CSTF2: variants seen among roughly 807,000 people sequenced by gnomAD.
CSTF2 encodes the protein cleavage stimulation factor subunit 2, also known as CF-1 64 kDa subunit.
CSTF2 carries 8 observed loss-of-function variants against 45.4 expected under a neutral mutation model. The ratio of observed to expected loss-of-function variants is 0.18; its 90% CI spans 0.10 to 0.32. CSTF2 has a LOEUF of 0.32. Among genes scored for constraint, CSTF2 ranks in the 10% least tolerant of loss-of-function variants. The probability of loss-of-function intolerance (pLI) is 1.00; values close to 1 mark genes in which losing one functional copy is unlikely to be tolerated. For synonymous variants in CSTF2, 155 were observed against 158.9 expected (o/e 0.98, Z 0.18); for missense variants, 253 against 477.1 (o/e 0.53, Z 4.38).
At chrX:100,837,295 C>A in intron 11 of CSTF2, 44 bp from the exon 12 acceptor site, 1 of 961,546 alleles carries the variant, frequency 1.0e-6, no homozygotes, top group Non-Finnish European at 1.5e-6. Flanking sequence ...GTTACCTATA[C>A]ATTAAAAATG....
chrX:100,831,744 C>A, intron 9 of CSTF2, 88 bp downstream of exon 9: 1 of 1,009,226 alleles, frequency 9.9e-7, no homozygotes, highest in Non-Finnish European at 1.4e-6. Context: ...CCAGTTGTAC[C>A]TGTTTGCCTA....
Position 100,823,969 on chromosome X carries a change from G to A in CSTF2, c.528G>A (p.Gln176=). 2 of 1,212,082 alleles carry A rather than the reference G, an allele frequency of 1.7e-6. No homozygotes were observed. Among genetic ancestry groups the A allele is most frequent in the Middle Eastern group, 2.3e-4 (1 of 4,355 alleles). The change falls in exon 5 of 14, where the codon CAG becomes CAA. Residue 176 remains glutamine, a synonymous_variant. Coordinates refer to ENST00000372972, the MANE Select transcript of CSTF2 (RefSeq NM_001325.3). ...TGGCTTATGCTTTGCTGCAAGCACA[G>A]GTAGTGATGAGAATTGTGGATCCGG... is the stretch of plus-strand genomic sequence containing the variant. ...PQLAYALLQA[Q]VVMRIVDPEI...
intron 13 of CSTF2, 43 bp downstream of exon 13, chrX:100,838,407 T>C: frequency 8.7e-7 from 1 of 1,146,982 alleles, no homozygotes; most frequent in Non-Finnish European, 1.2e-6. Context: ...TAGCTCCTTG[T>C]CTATTCTGGG....
Position 100,841,435 on chromosome X carries a change from T to C in CSTF2, c.*725T>C, listed in dbSNP as rs1203288946. On this transcript the variant is annotated 3_prime_UTR_variant, in exon 14 of 14. Coordinates refer to ENST00000372972, the MANE Select transcript of CSTF2 (RefSeq NM_001325.3). ...ATTTACTTGTGTGTTCTTAAACTTA[T>C]CAGTCTAGGCAGTCAACTTTGAAAG... Among the ~76,000 whole-genome samples the C allele has an allele frequency of 3.6e-5, 4 of 112,526 alleles. No homozygotes were observed. The East Asian group carries it at 8.3e-4, about 23-fold the overall frequency.
At chrX:100,839,350 T>A (rs925069947) in intron 13 of CSTF2, among the ~76,000 whole-genome samples, 2 of 110,672 alleles carry the variant, frequency 1.8e-5, no homozygotes, top group African/African-American at 6.6e-5. Flanking sequence ...TTAAAAAAAA[T>A]TTCCCCAGCA....
rs973945663 is a variant in CSTF2 at position 100,841,023 on chromosome X, A to G, written c.*313A>G. On this transcript the variant is annotated 3_prime_UTR_variant, in exon 14 of 14. Coordinates refer to ENST00000372972, the MANE Select transcript of CSTF2 (RefSeq NM_001325.3). ...TTTTCTACCCTTACTGCAGTATTGT[A>G]CTTTAACATATTGCCATAGTTTTGT... is the stretch of plus-strand genomic sequence containing the variant. The G allele has an allele frequency of 4.6e-4, 52 of 112,715 alleles. No homozygotes were observed. The highest frequency in any genetic ancestry group is 1.6e-3 in the African/African-American group (51 of 31,097). The allele number at this position is 112,715 out of a possible 1,213,427, so 9.3% of individuals were successfully genotyped here.
At chrX:100,829,319 G>A (rs763045740) in intron 8 of CSTF2, among the ~76,000 whole-genome samples, 7 of 110,625 alleles carry the variant, frequency 6.3e-5, no homozygotes, top group Admixed American at 5.8e-4. Flanking sequence ...GCAAAACCCC[G>A]TCTCTATAAA....
At chrX:100,829,911 C>T (rs142549857) in intron 8 of CSTF2, among the ~76,000 whole-genome samples, 4,123 of 112,030 alleles carry the variant, frequency 0.037, 208 homozygotes, top group African/African-American at 0.13. Context: ...CAGAAATTGG[C>T]AAAGGGAAGT....
chrX:100,839,314 C>T (rs779908637), intron 13 of CSTF2, among the ~76,000 whole-genome samples: 1 of 107,984 alleles, frequency 9.3e-6, no homozygotes, highest in South Asian at 4.1e-4. Flanking sequence ...AACTTGATTA[C>T]ACATACATGT....
rs58313206 is a variant in CSTF2 at position 100,822,095 on chromosome X, G to GA, written c.138-141dup. Among the ~76,000 whole-genome samples, 883 of 91,093 alleles carry GA rather than the reference G, an allele frequency of 9.7e-3. 4 individuals carry two copies. The highest frequency in any genetic ancestry group is 0.027 in the African/African-American group (683 of 25,487). 79.1% of individuals were successfully genotyped at this position (91,093 alleles called of 115,157 possible). A position where few individuals can be genotyped will look rare whatever the true frequency, so the allele number is the denominator to read the frequency against. ...GCAACAGAGCAAGACTCCATCTCAG[G>GA]AAAAAAAAAAAAAAAGTTTTAAAAA... On this transcript the variant is annotated intron_variant, in intron 2 of 13. Transcript: ENST00000372972.
intron 3 of CSTF2, among the ~76,000 whole-genome samples, chrX:100,822,985 G>A (rs146402183): frequency 0.011 from 1,216 of 111,519 alleles, 12 homozygotes; most frequent in Non-Finnish European, 0.015. Context: ...TGAAGTTAGC[G>A]TATTTTTCTC....
At chrX:100,837,223 T>C (rs903920969) in intron 11 of CSTF2, 116 bp from the exon 12 acceptor site, 12 of 418,503 alleles carry the variant, frequency 2.9e-5, no homozygotes, top group Non-Finnish European at 4.4e-5. Context: ...GAGTCATTGA[T>C]TTGCTTTTTT....
chrX:100,832,652 T>G (rs1234916071), intron 9 of CSTF2, 82 bp from the exon 10 acceptor site: 13 of 868,154 alleles, frequency 1.5e-5, no homozygotes, highest in Non-Finnish European at 1.9e-5. Context: ...AGCTCTTTGT[T>G]GGATGTTTAC....
At chrX:100,826,254 G>A (rs1053386192) in intron 6 of CSTF2, among the ~76,000 whole-genome samples, 7 of 103,225 alleles carry the variant, frequency 6.8e-5, no homozygotes, top group Admixed American at 6.3e-4. Flanking sequence ...TTTTTTAAAA[G>A]AGTCCCAGTC....
chrX:100,829,957 A>G (rs2084965620), intron 8 of CSTF2, among the ~76,000 whole-genome samples: 1 of 112,310 alleles, frequency 8.9e-6, no homozygotes. Context: ...GGATGTCTTC[A>G]TGCAGAGACT....
Position 100,841,321 on chromosome X carries a change from A to G in CSTF2, c.*611A>G, listed in dbSNP as rs2085038006. On this transcript the variant is annotated 3_prime_UTR_variant, in exon 14 of 14. Coordinates refer to ENST00000372972, the MANE Select transcript of CSTF2 (RefSeq NM_001325.3). ...AATATCAAAATGCATTTGTTTCAAT[A>G]GCAGGTCTGAACATGTATAATTCAG... Among the ~76,000 whole-genome samples the G allele has an allele frequency of 8.9e-6, 1 of 112,494 alleles. No homozygotes were observed. The highest frequency in any genetic ancestry group is 3.2e-5 in the African/African-American group (1 of 30,930).
Position 100,827,090 on chromosome X carries a change from T to C in CSTF2, c.826+333T>C, listed in dbSNP as rs571759034. Among the ~76,000 whole-genome samples, 8 of 111,253 alleles carry C rather than the reference T, an allele frequency of 7.2e-5. 1 individual carries two copies. The South Asian group carries it at 2.6e-3, about 37-fold the overall frequency. ...ACAGTGTAAAATAAGTAATAATAAA[T>C]GTAGAGTAAGATGGAAGGAATAAAA... On this transcript the variant is annotated intron_variant, in intron 7 of 13. Coordinates refer to ENST00000372972, the MANE Select transcript of CSTF2 (RefSeq NM_001325.3).
At chrX:100,840,018 T>G (rs1225792261) in intron 13 of CSTF2, among the ~76,000 whole-genome samples, 1 of 112,250 alleles carries the variant, frequency 8.9e-6, no homozygotes, top group African/African-American at 3.2e-5. Flanking sequence ...GAGTCTCATG[T>G]ACCCTTCACC....
At chrX:100,835,981 AG>A (rs2147894360) in intron 11 of CSTF2, among the ~76,000 whole-genome samples, 1 of 112,076 alleles carries the variant, frequency 8.9e-6, no homozygotes, top group African/African-American at 3.2e-5. Context: ...TTAAAAAAAA[AG>A]ATTATACTCA....
Sources: gnomAD v4.1 joint callset for allele counts (sites outside exome capture counted in the v4.1 genomes callset) on GRCh38, gnomAD v4.1.1 for gene constraint, MANE v1.5 for transcripts, NCBI Gene and HGNC (gene_info 2026-07-23, HGNC 2026-07-21) for gene names.